ZNF529: variants seen among roughly 807,000 people sequenced by gnomAD.
ZNF529 encodes the protein zinc finger protein 529.
Under a neutral mutation model 10.1 loss-of-function variants are expected in ZNF529, and 11 were observed. That is an observed-to-expected ratio of 1.09 (90% confidence interval 0.69 to 1.81). The LOEUF (loss-of-function observed/expected upper bound fraction) is 1.81, where lower values mean the gene tolerates loss of function less well. ZNF529 is among the 40% of genes most tolerant of loss of function. The probability of loss-of-function intolerance (pLI) is 0.00; values close to 1 mark genes in which losing one functional copy is unlikely to be tolerated. For synonymous variants in ZNF529, 204 were observed against 215.7 expected (o/e 0.95, Z 0.47); for missense variants, 624 against 666.8 (o/e 0.94, Z 0.71).
At chr19:36,594,840 C>T (rs1171607454) in intron 1 of ZNF529, 3 of 152,206 alleles carry the variant, frequency 2.0e-5, no homozygotes, top group Admixed American at 2.0e-4. Flanking sequence ...CCAGCCAACC[C>T]AACTGCTTCT....
chr19:36,573,617 G>T, upstream of ZNF529: 1 of 399,182 alleles, frequency 2.5e-6, no homozygotes. Flanking sequence ...GGAGGTGGGG[G>T]GCCGCGGAAT....
chr19:36,577,016 A>G (rs1286445805), upstream of ZNF529: 2 of 256,550 alleles, frequency 7.8e-6, no homozygotes, highest in African/African-American at 2.4e-5. Flanking sequence ...GCAGTGGCAC[A>G]ATCTTGGCTC....
intron 2 of ZNF529, among the ~76,000 whole-genome samples, chr19:36,559,960 A>C (rs913960686): frequency 6.6e-6 from 1 of 152,148 alleles, no homozygotes; most frequent in Non-Finnish European, 1.5e-5. Flanking sequence ...AATCCATAAG[A>C]AAAAACAAAG....
At chr19:36,580,475 A>G (rs2036439025) in intron 2 of ZNF529, 1 of 152,200 alleles carries the variant, frequency 6.6e-6, no homozygotes. Context: ...TTGCATGACA[A>G]CGTCCACAAG....
chr19:36,602,262 G>C (rs1429767857), intron 1 of ZNF529, among the ~76,000 whole-genome samples: 7 of 150,706 alleles, frequency 4.6e-5, no homozygotes, highest in Admixed American at 3.3e-4. Context: ...TGGTCAGGCT[G>C]GTGTCGAACT....
chr19:36,544,447 T>C lies in ZNF529; in HGVS notation c.*2419A>G, dbSNP rs1271621062. Reference sequence around the variant, plus strand: ...CAAGGTTTAGATATTTAGTTTTAATTTGTTTAAGCTGGAAGGAAAAAAACA... The same window carrying C: ...CAAGGTTTAGATATTTAGTTTTAATCTGTTTAAGCTGGAAGGAAAAAAACA... On this transcript the variant is annotated 3_prime_UTR_variant, in exon 5 of 5. Transcript: ENST00000591340. The C allele has an allele frequency of 6.6e-6, 1 of 152,198 alleles. No homozygotes were observed. Among genetic ancestry groups the C allele is most frequent in the Admixed American group, 6.5e-5 (1 of 15,274 alleles). The allele number at this position is 152,198 out of a possible 1,614,324, so 9.4% of individuals were successfully genotyped here. A position where few individuals can be genotyped will look rare whatever the true frequency, so the allele number is the denominator to read the frequency against.
chr19:36,591,406 A>G (rs1333671079), intron 1 of ZNF529, among the ~76,000 whole-genome samples: 2 of 152,066 alleles, frequency 1.3e-5, no homozygotes, highest in East Asian at 3.8e-4. Flanking sequence ...ACTGAAACAC[A>G]CAAGATGAAA....
chr19:36,588,999 A>G (rs1041107889), intron 2 of ZNF529, among the ~76,000 whole-genome samples: 3 of 149,468 alleles, frequency 2.0e-5, no homozygotes, highest in South Asian at 4.2e-4. Context: ...CTGGAGTGCA[A>G]TGGCACAGAT....
intron 1 of ZNF529, among the ~76,000 whole-genome samples, chr19:36,601,795 T>C (rs2036927587): frequency 6.6e-6 from 1 of 152,116 alleles, no homozygotes; most frequent in African/African-American, 2.4e-5. Context: ...TAGATTTTAA[T>C]TCAGATACTA....
chr19:36,584,359 A>G (rs894909767), intron 2 of ZNF529, among the ~76,000 whole-genome samples: 1 of 152,188 alleles, frequency 6.6e-6, no homozygotes, highest in African/African-American at 2.4e-5. Flanking sequence ...AATGAGATAA[A>G]ATTTTAAATG....
intron 2 of ZNF529, among the ~76,000 whole-genome samples, chr19:36,568,060 A>G (rs926309435): frequency 2.0e-5 from 3 of 152,182 alleles, no homozygotes; most frequent in African/African-American, 4.8e-5. Context: ...AAGTACATGG[A>G]AAGATGCTGA....
chr19:36,548,056 C>G lies in ZNF529; in HGVS notation c.502G>C (p.Glu168Gln). 1 of 1,613,876 alleles carries G rather than the reference C, an allele frequency of 6.2e-7. No individual in the cohort carries two copies. The highest frequency in any genetic ancestry group is 1.3e-5 in the African/African-American group (1 of 75,030). Residue 168 changes from glutamate (E) to glutamine (Q), a missense_variant, in exon 5 of 5, where the codon GAG (glutamate) becomes CAG (glutamine). Physicochemically the swap from Glu to Gln is conservative, Grantham distance 29. Coordinates refer to ENST00000591340, the MANE Select transcript of ZNF529 (RefSeq NM_020951.5). ...TATTCCTTGTATTCATAGGGCTTCTCACTGTCATGAGTTCTCCGAGGTAAA... is the reference window on the plus strand; with the variant it reads ...TATTCCTTGTATTCATAGGGCTTCTGACTGTCATGAGTTCTCCGAGGTAAA... ...LTLPRRTHDS[E>Q]KPYEYKEYEK...
intron 4 of ZNF529, among the ~76,000 whole-genome samples, chr19:36,552,886 G>C (rs1270943087): frequency 6.6e-6 from 1 of 152,152 alleles, no homozygotes. Context: ...AAAGAGACTA[G>C]ACAGGTAAAG....
At chr19:36,604,009 G>T (rs1045510259) in intron 1 of ZNF529, among the ~76,000 whole-genome samples, 2 of 152,052 alleles carry the variant, frequency 1.3e-5, no homozygotes, top group Non-Finnish European at 2.9e-5. Flanking sequence ...GTGAAACCCC[G>T]TCTCTACTAA....
At chr19:36,570,115 C>A (rs1488575209) in intron 2 of ZNF529, among the ~76,000 whole-genome samples, 3 of 152,180 alleles carry the variant, frequency 2.0e-5, no homozygotes, top group Admixed American at 6.5e-5. Context: ...AATTCCAACA[C>A]TTTGGGAGGC....
intron 4 of ZNF529, among the ~76,000 whole-genome samples, chr19:36,549,969 A>G (rs2035196154): frequency 6.6e-6 from 1 of 152,218 alleles, no homozygotes; most frequent in Non-Finnish European, 1.5e-5. Flanking sequence ...TAACAGAATC[A>G]TATGAAGAAG....
intron 2 of ZNF529, among the ~76,000 whole-genome samples, chr19:36,558,528 T>G (rs1313393982): frequency 2.6e-5 from 4 of 152,214 alleles, no homozygotes; most frequent in African/African-American, 9.6e-5. Flanking sequence ...TGGGATGATA[T>G]ATACAAAGTA....
chr19:36,547,706 GCATT>G lies in ZNF529; in HGVS notation c.848_851del (p.Glu283AlafsTer126). The stretch of plus-strand genomic sequence containing the variant: ...CTCTAAAGGATTTCCCACAGAATGA[GCATT>G]CAAAGTGTTTCTCACCATCATGAAC... On this transcript the variant is annotated frameshift_variant, in exon 5 of 5. Transcript: ENST00000591340. LOFTEE classifies it low-confidence loss of function (END_TRUNC). The G allele has an allele frequency of 1.2e-6, 2 of 1,613,906 alleles. No homozygotes were observed. Among genetic ancestry groups the G allele is most frequent in the Non-Finnish European group, 1.7e-6 (2 of 1,179,860 alleles).
At chr19:36,550,297 T>C (rs2035210870) in intron 4 of ZNF529, among the ~76,000 whole-genome samples, 1 of 152,136 alleles carries the variant, frequency 6.6e-6, no homozygotes, top group African/African-American at 2.4e-5. Context: ...AATCCCAGCA[T>C]TTTGAGAGGC....
Sources: gnomAD v4.1 joint callset for allele counts (sites outside exome capture counted in the v4.1 genomes callset) on GRCh38, gnomAD v4.1.1 for gene constraint, MANE v1.5 for transcripts, NCBI Gene and HGNC (gene_info 2026-07-23, HGNC 2026-07-21) for gene names.